Variants in SLC8A1 observed in about 807,000 individuals in gnomAD.
SLC8A1 encodes the protein sodium/calcium exchanger 1.
SLC8A1 carries 18 observed loss-of-function variants against 68.3 expected under a neutral mutation model. The ratio of observed to expected loss-of-function variants is 0.26; its 90% confidence interval spans 0.18 to 0.39. The LOEUF (loss-of-function observed/expected upper bound fraction) is 0.39, where lower values mean the gene tolerates loss of function less well. Ranked by LOEUF, SLC8A1 falls within the 10% of genes least tolerant of loss-of-function variation. The pLI is 1.00. For synonymous variants in SLC8A1, 475 were observed against 415.5 expected, an observed-to-expected ratio of 1.14 and a Z score of -1.74; for missense variants, 985 against 1,156.7, an observed-to-expected ratio of 0.85 and a Z score of 2.15.
intron 7 of SLC8A1, among the ~76,000 whole-genome samples, chr2:40,131,487 G>C (rs2039320628): frequency 6.6e-6 from 1 of 152,222 alleles, no homozygotes; most frequent in South Asian, 2.1e-4. Context: ...AGTTTCCCAA[G>C]GGGAACATGT....
intron 4 of SLC8A1, among the ~76,000 whole-genome samples, chr2:40,171,387 T>A (rs1410045990): frequency 6.6e-6 from 1 of 152,194 alleles, no homozygotes; most frequent in African/African-American, 2.4e-5. Flanking sequence ...ATTAGAGAAC[T>A]CTATATCTTA....
At chr2:40,429,306 T>C (rs1415347626) in exon 2 of SLC8A1, 1 of 1,613,928 alleles carries the variant, frequency 6.2e-7, no homozygotes, top group Admixed American at 1.7e-5. Context: ...TCCTAGCCAT[T>C]TCTCGCCTAG....
chr2:40,191,090 G>T (rs1319514701), intron 2 of SLC8A1, among the ~76,000 whole-genome samples: 2 of 152,156 alleles, frequency 1.3e-5, no homozygotes, highest in Admixed American at 6.5e-5. Flanking sequence ...TCTATATGGT[G>T]AAATACTCCT....
intron 2 of SLC8A1, among the ~76,000 whole-genome samples, chr2:40,361,141 C>T (rs1328198028): frequency 3.3e-5 from 5 of 152,010 alleles, no homozygotes; most frequent in African/African-American, 7.2e-5. Context: ...CCATGGCATT[C>T]GGGTGTTAAC....
chr2:40,278,775 T>C (rs576949535), intron 2 of SLC8A1, among the ~76,000 whole-genome samples: 1 of 147,060 alleles, frequency 6.8e-6, no homozygotes, highest in South Asian at 2.3e-4. Context: ...CTTCTACTAA[T>C]GCCACAATGA....
At chr2:40,496,855 A>G (rs886700153) in intron 1 of SLC8A1, among the ~76,000 whole-genome samples, 2 of 144,866 alleles carry the variant, frequency 1.4e-5, no homozygotes, top group African/African-American at 5.1e-5. Context: ...ATTCTCACTC[A>G]TAGGTGGGAA....
chr2:40,326,145 A>G (rs2075801926), intron 2 of SLC8A1, among the ~76,000 whole-genome samples: 2 of 152,148 alleles, frequency 1.3e-5, no homozygotes, highest in Non-Finnish European at 2.9e-5. Flanking sequence ...TAGCAAAACT[A>G]TAGGACTCAC....
chr2:40,164,140 T>C (rs957591740), intron 5 of SLC8A1, among the ~76,000 whole-genome samples: 2 of 138,722 alleles, frequency 1.4e-5, no homozygotes, highest in Admixed American at 7.8e-5. Flanking sequence ...GCTAGAACCA[T>C]GTAGGGTAGA....
chr2:40,391,689 C>A (rs1344072075), intron 2 of SLC8A1, among the ~76,000 whole-genome samples: 1 of 152,066 alleles, frequency 6.6e-6, no homozygotes, highest in East Asian at 1.9e-4. Flanking sequence ...CAACTTGGAA[C>A]TCTTAGTCCC....
At chr2:40,357,382 G>A (rs1235578581) in intron 2 of SLC8A1, among the ~76,000 whole-genome samples, 6 of 149,518 alleles carry the variant, frequency 4.0e-5, no homozygotes, top group Admixed American at 6.7e-5. Context: ...CTGCAGTCCC[G>A]ACTACTTAGG....
intron 2 of SLC8A1, among the ~76,000 whole-genome samples, chr2:40,370,463 G>T (rs1224663204): frequency 6.6e-6 from 1 of 151,958 alleles, no homozygotes; most frequent in Non-Finnish European, 1.5e-5. Flanking sequence ...CACTTTCCTA[G>T]TGTTGTTTTA....
intron 7 of SLC8A1, among the ~76,000 whole-genome samples, chr2:40,132,052 T>C (rs1572928494): frequency 6.6e-6 from 1 of 152,028 alleles, no homozygotes; most frequent in East Asian, 1.9e-4. Context: ...AGAATAATAG[T>C]TCCTGACCTT....
intron 2 of SLC8A1, among the ~76,000 whole-genome samples, chr2:40,350,190 G>A (rs558082556): frequency 1.6e-4 from 24 of 152,174 alleles, no homozygotes; most frequent in African/African-American, 4.6e-4. Flanking sequence ...TATCAACGAC[G>A]CCATTTATCA....
chr2:40,236,924 T>C (rs895874096), intron 2 of SLC8A1, among the ~76,000 whole-genome samples: 10 of 152,292 alleles, frequency 6.6e-5, no homozygotes, highest in Middle Eastern at 3.4e-3. Context: ...TGTTGAACAT[T>C]GGCCCCCACT....
At chr2:40,391,861 C>T (rs1685372515) in intron 2 of SLC8A1, among the ~76,000 whole-genome samples, 1 of 152,072 alleles carries the variant, frequency 6.6e-6, no homozygotes, top group Admixed American at 6.6e-5. Context: ...AGCCCTCAGC[C>T]TCATGTCACT....
At chr2:40,228,229 A>G (rs2059227540) in intron 2 of SLC8A1, among the ~76,000 whole-genome samples, 1 of 152,198 alleles carries the variant, frequency 6.6e-6, no homozygotes, top group South Asian at 2.1e-4. Flanking sequence ...CATCATATAC[A>G]TAATATTTTT....
chr2:40,162,168 G>C (rs2045802077), intron 5 of SLC8A1, among the ~76,000 whole-genome samples: 1 of 152,168 alleles, frequency 6.6e-6, no homozygotes, highest in African/African-American at 2.4e-5. Flanking sequence ...CCAGCTTTGT[G>C]TCTAGAACTG....
chr2:40,251,951 T>C (rs572965774), intron 2 of SLC8A1, among the ~76,000 whole-genome samples: 2 of 152,320 alleles, frequency 1.3e-5, no homozygotes, highest in East Asian at 3.9e-4. Flanking sequence ...GTTTAGAGTG[T>C]ATAATACCAA....
At chr2:40,211,384 A>T (rs2056557789) in intron 2 of SLC8A1, among the ~76,000 whole-genome samples, 1 of 152,250 alleles carries the variant, frequency 6.6e-6, no homozygotes, top group Non-Finnish European at 1.5e-5. Context: ...TCCAATAGAC[A>T]GCTAAAAATG....
Sources: allele counts gnomAD v4.1 joint callset (sites outside exome capture counted in the v4.1 genomes callset), GRCh38; gene constraint gnomAD v4.1.1; transcripts MANE v1.5; gene names NCBI Gene and HGNC (gene_info 2026-07-23, HGNC 2026-07-21).